The following ADAMTS17 variants were observed in gnomAD, a reference collection of about 807,000 sequenced individuals.
ADAMTS17 encodes the protein A disintegrin and metalloproteinase with thrombospondin motifs 17.
ADAMTS17 carries 113 observed loss-of-function variants against 141.5 expected under a neutral mutation model. The observed-to-expected ratio is 0.80, with a 90% CI of 0.69 to 0.93. The LOEUF is 0.93. ADAMTS17 is among the 40% of genes least tolerant of loss of function. The pLI is 0.00. For synonymous variants in ADAMTS17, 768 were observed against 630.6 expected, an observed-to-expected ratio of 1.22 and a Z score of -3.27; for missense variants, 1,659 against 1,517.9, an observed-to-expected ratio of 1.09 and a Z score of -1.54.
At chr15:100,258,723 G>T (rs545330366) in intron 6 of ADAMTS17, among the ~76,000 whole-genome samples, 1 of 152,026 alleles carries the variant, frequency 6.6e-6, no homozygotes, top group African/African-American at 2.4e-5. Flanking sequence ...CAGCAAAACC[G>T]TATCATTTTG....
chr15:99,999,529 G>A (rs1158249185), intron 18 of ADAMTS17, among the ~76,000 whole-genome samples: 1 of 152,150 alleles, frequency 6.6e-6, no homozygotes, highest in Non-Finnish European at 1.5e-5. Flanking sequence ...GCGGGGTGGA[G>A]GCGGAGTGAG....
chr15:100,341,945 G>A lies in ADAMTS17; in HGVS notation c.-46C>T. 1 of 1,546,126 alleles carries A rather than the reference G, an allele frequency of 6.5e-7. No individual in the cohort carries two copies. The highest frequency in any genetic ancestry group is 8.7e-7 in the Non-Finnish European group (1 of 1,144,954). On this transcript the variant is annotated 5_prime_UTR_variant, in exon 1 of 22. Coordinates refer to ENST00000268070, the MANE Select transcript of ADAMTS17 (RefSeq NM_139057.4). Reference sequence around the variant, plus strand: ...CCCCCGGACCGTGGCGGCGAAGCAGGAGCGCGCTAGGCGGCGGCGCCAGCC... The same window carrying A: ...CCCCCGGACCGTGGCGGCGAAGCAGAAGCGCGCTAGGCGGCGGCGCCAGCC...
chr15:100,274,603 T>TA (rs1232306959), intron 4 of ADAMTS17, among the ~76,000 whole-genome samples: 1 of 152,202 alleles, frequency 6.6e-6, no homozygotes, highest in Non-Finnish European at 1.5e-5. Context: ...ATCTATGATT[T>TA]AAAAAACAAA....
rs577155816 is a variant in ADAMTS17 at position 100,095,846 on chromosome 15, C to A, written c.2137+510G>T. ...TAGGGACAGTGCTAAGGAATGTCTG[C>A]CCCTGGGGACCAGGAGGCTCAGGTA... On this transcript the variant is annotated intron_variant, in intron 15 of 21. Coordinates refer to ENST00000268070, the MANE Select transcript of ADAMTS17 (RefSeq NM_139057.4). Among the ~76,000 whole-genome samples, 6 of 152,306 alleles carry A rather than the reference C, an allele frequency of 3.9e-5. No individual in the cohort carries two copies. The East Asian group carries it at 1.2e-3, about 29-fold the overall frequency.
rs1429261210 is a variant in ADAMTS17 at position 100,082,973 on chromosome 15, C to T, written c.2137+13383G>A. On this transcript the variant is annotated intron_variant, in intron 15 of 21. Transcript: ENST00000268070. ...AATGAAGAGGCGTTTCCTAGAGGTGCTGTGTTGTGGGAAAACTCCTAGAGC... is the reference window on the plus strand; with the variant it reads ...AATGAAGAGGCGTTTCCTAGAGGTGTTGTGTTGTGGGAAAACTCCTAGAGC... Among the ~76,000 whole-genome samples, 3 of 152,050 alleles carry T rather than the reference C, an allele frequency of 2.0e-5. No individual in the cohort carries two copies. In the East Asian group the frequency reaches 5.8e-4, roughly 29 times the overall value.
chr15:100,197,406 G>A (rs545730836), intron 8 of ADAMTS17, among the ~76,000 whole-genome samples: 33 of 152,218 alleles, frequency 2.2e-4, no homozygotes, highest in African/African-American at 7.9e-4. Context: ...TAGGTACTAC[G>A]GCATGCTGGT....
chr15:100,260,383 G>A (rs569210737), intron 6 of ADAMTS17, among the ~76,000 whole-genome samples: 20 of 152,170 alleles, frequency 1.3e-4, no homozygotes, highest in Admixed American at 9.8e-4. Flanking sequence ...GGAGGCCAAG[G>A]CGGGCAGATT....
chr15:100,058,936 C>T (rs1163565965), intron 15 of ADAMTS17, among the ~76,000 whole-genome samples: 2 of 152,204 alleles, frequency 1.3e-5, no homozygotes. Context: ...CAACAGAGTG[C>T]TAGCGGCAGC....
intron 3 of ADAMTS17, among the ~76,000 whole-genome samples, chr15:100,324,566 G>A (rs990994902): frequency 1.3e-4 from 20 of 152,124 alleles, no homozygotes; most frequent in Admixed American, 3.9e-4. Flanking sequence ...ACCAGAGTCC[G>A]GAGGGTCAGT....
At chr15:100,080,532 G>A (rs1567139282) in intron 15 of ADAMTS17, among the ~76,000 whole-genome samples, 1 of 152,134 alleles carries the variant, frequency 6.6e-6, no homozygotes, top group Non-Finnish European at 1.5e-5. Flanking sequence ...AGGAATGAAG[G>A]TTTGGGTCAC....
At chr15:100,258,684 G>A (rs965075679) in intron 6 of ADAMTS17, among the ~76,000 whole-genome samples, 2 of 142,316 alleles carry the variant, frequency 1.4e-5, no homozygotes, top group Non-Finnish European at 3.1e-5. Flanking sequence ...CAACATGTGG[G>A]AATTCAAGAT....
chr15:100,241,460 C>T (rs766152211), intron 7 of ADAMTS17, among the ~76,000 whole-genome samples: 3 of 152,184 alleles, frequency 2.0e-5, no homozygotes, highest in Admixed American at 6.5e-5. Flanking sequence ...CTGATTGTTG[C>T]GGTAATTTCT....
intron 8 of ADAMTS17, among the ~76,000 whole-genome samples, chr15:100,192,415 C>G (rs1043257744): frequency 1.3e-5 from 2 of 152,230 alleles, no homozygotes; most frequent in Non-Finnish European, 1.5e-5. Context: ...TCCAGGAAGG[C>G]CAACCCCTAT....
chr15:100,198,389 C>T (rs1267400621), intron 8 of ADAMTS17, among the ~76,000 whole-genome samples: 5 of 152,158 alleles, frequency 3.3e-5, no homozygotes, highest in Non-Finnish European at 7.4e-5. Flanking sequence ...ACTTTACTCT[C>T]GTAAAAACTA....
intron 9 of ADAMTS17, among the ~76,000 whole-genome samples, chr15:100,152,976 G>GA (rs2039257127): frequency 9.0e-5 from 2 of 22,148 alleles, no homozygotes; most frequent in Admixed American, 6.5e-4. Context: ...TCGCTCTGAA[G>GA]GTAGTAAGAA....
chr15:99,989,341 C>T (rs1229800403), intron 20 of ADAMTS17, among the ~76,000 whole-genome samples: 1 of 152,236 alleles, frequency 6.6e-6, no homozygotes, highest in African/African-American at 2.4e-5. Context: ...CTTGCCTCCA[C>T]TCCTGCCCCG....
At chr15:100,332,383 CAAGA>C (rs1006726741) in intron 2 of ADAMTS17, among the ~76,000 whole-genome samples, 6 of 152,328 alleles carry the variant, frequency 3.9e-5, no homozygotes, top group Admixed American at 3.3e-4. Context: ...CTGCCGCAGT[CAAGA>C]AAGAGTGGGC....
chr15:100,075,041 TTTTA>T (rs1366291401), intron 15 of ADAMTS17, among the ~76,000 whole-genome samples: 2 of 141,060 alleles, frequency 1.4e-5, no homozygotes, highest in Non-Finnish European at 2.9e-5. Flanking sequence ...GTTATTTTTG[TTTTA>T]TTTAATGTTC....
intron 3 of ADAMTS17, among the ~76,000 whole-genome samples, chr15:100,286,228 G>A (rs1034966562): frequency 3.9e-5 from 6 of 152,240 alleles, no homozygotes; most frequent in African/African-American, 1.2e-4. Flanking sequence ...CCCGCAAAAC[G>A]TGAATGTGCA....
Sources: allele counts gnomAD v4.1 joint callset (sites outside exome capture counted in the v4.1 genomes callset), GRCh38; gene constraint gnomAD v4.1.1; transcripts MANE v1.5; gene names NCBI Gene and HGNC (gene_info 2026-07-23, HGNC 2026-07-21).